Variants in LRMDA observed in about 807,000 individuals in gnomAD.
LRMDA encodes the protein leucine-rich melanocyte differentiation-associated protein.
Under a neutral mutation model 29.8 loss-of-function variants are expected in LRMDA, and 18 were observed. The ratio of observed to expected loss-of-function variants is 0.60; its 90% CI spans 0.42 to 0.90. The LOEUF (loss-of-function observed/expected upper bound fraction) is 0.90. LRMDA is among the 40% of genes least tolerant of loss of function. The probability of loss-of-function intolerance (pLI) is 0.00; values close to 1 mark genes in which losing one functional copy is unlikely to be tolerated. For missense variants in LRMDA, 273 were observed against 273.9 expected (o/e 1.00, Z 0.02); for synonymous variants, 125 against 109.4 (o/e 1.14, Z -0.89).
intron 2 of LRMDA, among the ~76,000 whole-genome samples, chr10:75,739,172 G>A (rs1385782539): frequency 6.6e-6 from 1 of 152,208 alleles, no homozygotes. Context: ...GTACTGCAGG[G>A]TGACCTGGTA....
intron 2 of LRMDA, among the ~76,000 whole-genome samples, chr10:75,641,654 G>T (rs1841455284): frequency 6.6e-6 from 1 of 151,854 alleles, no homozygotes; most frequent in Non-Finnish European, 1.5e-5. Flanking sequence ...TGCCTACGCT[G>T]GTCTGGAATT....
At chr10:76,463,990 T>G (rs550706249) in intron 6 of LRMDA, among the ~76,000 whole-genome samples, 15 of 146,544 alleles carry the variant, frequency 1.0e-4, no homozygotes, top group African/African-American at 3.2e-4. Context: ...GTGATCTCGG[T>G]TCACTGCACA....
chr10:75,857,983 TAGAAAG>T (rs1844856101), intron 2 of LRMDA, among the ~76,000 whole-genome samples: 1 of 152,180 alleles, frequency 6.6e-6, no homozygotes, highest in Non-Finnish European at 1.5e-5. Flanking sequence ...CATTTTTAAT[TAGAAAG>T]AGAAAAAGGA....
At chr10:75,994,076 C>A (rs1336648342) in intron 2 of LRMDA, among the ~76,000 whole-genome samples, 2 of 152,218 alleles carry the variant, frequency 1.3e-5, no homozygotes, top group African/African-American at 2.4e-5. Context: ...CTTTGTCTGT[C>A]ATGAACAGTT....
At chr10:75,893,966 G>T (rs1291254336) in intron 2 of LRMDA, among the ~76,000 whole-genome samples, 1 of 150,630 alleles carries the variant, frequency 6.6e-6, no homozygotes, top group African/African-American at 2.4e-5. Flanking sequence ...AGAAAGAAAA[G>T]TTCTCTGGGT....
intron 2 of LRMDA, among the ~76,000 whole-genome samples, chr10:75,992,093 AACAATCTTATCAGTGGGTG>A (rs1249916563): frequency 6.6e-6 from 1 of 152,150 alleles, no homozygotes; most frequent in African/African-American, 2.4e-5. Context: ...ATTTAATTAC[AACAATCTTATCAGTGGGTG>A]ACAATCTCTT....
intron 5 of LRMDA, among the ~76,000 whole-genome samples, chr10:76,287,966 G>A (rs1034574221): frequency 6.6e-6 from 1 of 152,146 alleles, no homozygotes; most frequent in African/African-American, 2.4e-5. Context: ...AAAGAGCTCA[G>A]CTTCTTCGTT....
At chr10:75,773,513 C>T (rs1017888670) in intron 2 of LRMDA, among the ~76,000 whole-genome samples, 14 of 152,176 alleles carry the variant, frequency 9.2e-5, no homozygotes, top group Non-Finnish European at 1.3e-4. Flanking sequence ...CCCTGGGGGA[C>T]GCCAATGAAG....
intron 6 of LRMDA, among the ~76,000 whole-genome samples, chr10:76,345,683 C>T (rs1328283429): frequency 1.3e-5 from 2 of 151,820 alleles, no homozygotes; most frequent in South Asian, 2.1e-4. Context: ...AAGACTTAAC[C>T]TTACACGTGC....
chr10:76,503,113 G>A (rs1842927404), intron 6 of LRMDA, among the ~76,000 whole-genome samples: 1 of 151,794 alleles, frequency 6.6e-6, no homozygotes, highest in African/African-American at 2.4e-5. Flanking sequence ...AAGGGATGTT[G>A]GATTTTATCT....
intron 5 of LRMDA, among the ~76,000 whole-genome samples, chr10:76,119,182 G>T (rs895602897): frequency 1.3e-5 from 2 of 151,722 alleles, no homozygotes; most frequent in Non-Finnish European, 2.9e-5. Context: ...GGAGGCATTT[G>T]TTCATATTGA....
intron 5 of LRMDA, among the ~76,000 whole-genome samples, chr10:76,081,868 C>T (rs2132079960): frequency 6.6e-6 from 1 of 152,292 alleles, no homozygotes; most frequent in African/African-American, 2.4e-5. Context: ...ATATATTAAA[C>T]ACTATCCCTT....
chr10:75,822,071 C>G (rs1844171551), intron 2 of LRMDA, among the ~76,000 whole-genome samples: 1 of 152,152 alleles, frequency 6.6e-6, no homozygotes, highest in African/African-American at 2.4e-5. Flanking sequence ...TAATATTATA[C>G]CTAGAAAACC....
At chr10:75,844,754 T>C (rs1844604471) in intron 2 of LRMDA, among the ~76,000 whole-genome samples, 1 of 152,268 alleles carries the variant, frequency 6.6e-6, no homozygotes, top group Non-Finnish European at 1.5e-5. Context: ...TCTGATCATT[T>C]AACTAGCACC....
intron 3 of LRMDA, 39 bp from the exon 4 acceptor site, chr10:76,047,125 C>CT (rs1485561426): frequency 6.2e-7 from 1 of 1,612,304 alleles, no homozygotes; most frequent in African/African-American, 1.3e-5. Flanking sequence ...ATTGCTAAGC[C>CT]TTTTGTCTTA....
chr10:75,528,455 C>A (rs577069396), intron 2 of LRMDA, among the ~76,000 whole-genome samples: 7 of 152,202 alleles, frequency 4.6e-5, no homozygotes, highest in African/African-American at 1.7e-4. Context: ...GGACATTCTT[C>A]ACCCAATGCT....
At chr10:75,641,342 G>A (rs997330584) in intron 2 of LRMDA, among the ~76,000 whole-genome samples, 2 of 151,830 alleles carry the variant, frequency 1.3e-5, no homozygotes, top group Non-Finnish European at 2.9e-5. Flanking sequence ...TGTGTGCTGA[G>A]CTGTCCAGGA....
chr10:76,184,019 G>A (rs1851100079), intron 5 of LRMDA, among the ~76,000 whole-genome samples: 2 of 150,546 alleles, frequency 1.3e-5, no homozygotes, highest in East Asian at 4.0e-4. Flanking sequence ...ACCCCACCCG[G>A]CCCTACTTTA....
chr10:75,608,759 C>G (rs7097528), intron 2 of LRMDA, among the ~76,000 whole-genome samples: 9 of 152,054 alleles, frequency 5.9e-5, no homozygotes, highest in Non-Finnish European at 1.2e-4. Flanking sequence ...GGGGCATAAC[C>G]CTTTAAGTGA....
Sources: allele counts gnomAD v4.1 joint callset (sites outside exome capture counted in the v4.1 genomes callset), GRCh38; gene constraint gnomAD v4.1.1; transcripts MANE v1.5; gene names NCBI Gene and HGNC (gene_info 2026-07-23, HGNC 2026-07-21).